Variants in DESI2 observed in about 807,000 individuals in gnomAD.
DESI2 encodes the protein desumoylating isopeptidase 2.
A neutral mutation model predicts 24.1 loss-of-function variants in DESI2; 10 were observed. The observed-to-expected ratio is 0.41, with a 90% CI of 0.26 to 0.70. The LOEUF (loss-of-function observed/expected upper bound fraction) is 0.70, where lower values mean the gene tolerates loss of function less well. Among genes scored for constraint, DESI2 ranks in the 30% least tolerant of loss-of-function variants. The probability of loss-of-function intolerance (pLI) is 0.29; values close to 1 mark genes in which losing one functional copy is unlikely to be tolerated. For missense variants in DESI2, 122 were observed against 234.9 expected (o/e 0.52, Z 3.14); for synonymous variants, 71 against 87.7 (o/e 0.81, Z 1.06).
intron 4 of DESI2, 64 bp downstream of exon 4, chr1:244,692,084 T>C (rs2148810476): frequency 1.5e-6 from 2 of 1,337,898 alleles, no homozygotes; most frequent in Admixed American, 4.8e-5. Context: ...ATACTTGATA[T>C]CCCACTATAT....
intron 4 of DESI2, among the ~76,000 whole-genome samples, chr1:244,704,562 G>A (rs1677616332): frequency 6.6e-6 from 1 of 152,152 alleles, no homozygotes; most frequent in African/African-American, 2.4e-5. Context: ...TATCCCGCTA[G>A]TGTCTTCAGA....
At chr1:244,686,952 T>G (rs1014114154) in intron 2 of DESI2, among the ~76,000 whole-genome samples, 5 of 152,226 alleles carry the variant, frequency 3.3e-5, no homozygotes, top group African/African-American at 1.2e-4. Flanking sequence ...CCTTTTGTGA[T>G]TGTCATAAAA....
intron 1 of DESI2, among the ~76,000 whole-genome samples, chr1:244,681,462 C>T (rs1201274581): frequency 4.0e-5 from 6 of 150,324 alleles, no homozygotes; most frequent in East Asian, 3.9e-4. Context: ...GGACTAGTTT[C>T]GTGGAAGATG....
intron 1 of DESI2, among the ~76,000 whole-genome samples, chr1:244,680,617 T>TAC (rs1676576027): frequency 6.6e-5 from 10 of 152,232 alleles, no homozygotes; most frequent in Middle Eastern, 3.2e-3. Flanking sequence ...TTAATGATGC[T>TAC]CAGTTCAATC....
At chr1:244,655,859 A>G (rs1213442362) in intron 1 of DESI2, among the ~76,000 whole-genome samples, 2 of 152,222 alleles carry the variant, frequency 1.3e-5, no homozygotes, top group Non-Finnish European at 2.9e-5. Context: ...AAGTTTGATT[A>G]GAACTTCTTT....
intron 1 of DESI2, among the ~76,000 whole-genome samples, chr1:244,657,237 A>G (rs147938766): frequency 2.4e-4 from 36 of 152,322 alleles, no homozygotes; most frequent in Middle Eastern, 6.8e-3. Flanking sequence ...CAGGTCAGGC[A>G]GGTGTGATAG....
intron 1 of DESI2, among the ~76,000 whole-genome samples, chr1:244,667,702 G>A (rs1676094232): frequency 6.6e-6 from 1 of 152,164 alleles, no homozygotes; most frequent in Admixed American, 6.5e-5. Context: ...ACAGCCTCTT[G>A]CTGCCCCCTC....
At chr1:244,688,167 A>G (rs1049220783) in intron 2 of DESI2, among the ~76,000 whole-genome samples, 2 of 152,236 alleles carry the variant, frequency 1.3e-5, no homozygotes, top group Admixed American at 6.5e-5. Context: ...AGCTAGAATC[A>G]AATATTAATA....
Position 244,689,489 on chromosome 1 carries a change from G to T in DESI2, c.209+147G>T. ...ATTGCTGACATTTTATATAACTCAA[G>T]TTTGCCTCAGGAAACTCATTTCTTT... On this transcript the variant is annotated intron_variant, in intron 3 of 4. Coordinates refer to ENST00000302550, the MANE Select transcript of DESI2 (RefSeq NM_016076.5). This position sits in a 1 kb window ranked among gnomAD's most constrained non-coding sequence, Gnocchi z 4.0. 1.8e-6 allele frequency: 1 copy of T among 540,780 alleles called. No homozygotes were observed. Among genetic ancestry groups the T allele is most frequent in the Non-Finnish European group, 3.3e-6 (1 of 301,812 alleles). The allele number at this position is 540,780 out of a possible 1,614,324, so 33.5% of individuals were successfully genotyped here.
chr1:244,677,040 T>G (rs1285282781), intron 1 of DESI2, among the ~76,000 whole-genome samples: 2 of 151,850 alleles, frequency 1.3e-5, no homozygotes, highest in Non-Finnish European at 2.9e-5. Flanking sequence ...TTTCTTGTGA[T>G]GTCTTTGTTT....
At chr1:244,664,908 A>G (rs1280413108) in intron 1 of DESI2, among the ~76,000 whole-genome samples, 6 of 152,224 alleles carry the variant, frequency 3.9e-5, no homozygotes, top group Non-Finnish European at 8.8e-5. Flanking sequence ...GAAATAATCT[A>G]CATGTTTGTT....
In DESI2 at chr1:244,705,934, G is replaced by T; in HGVS notation, c.*145G>T. ...AGTTTTTCAGCTCAGGATTATATTT[G>T]TAATCAAAAAAAAAAAATCACTTGG... On this transcript the variant is annotated 3_prime_UTR_variant, in exon 5 of 5. Transcript: ENST00000302550. 5 of 628,658 alleles carry T rather than the reference G, an allele frequency of 8.0e-6. No homozygotes were observed. The highest frequency in any genetic ancestry group is 3.0e-5 in the Admixed American group (1 of 32,938). The allele number at this position is 628,658 out of a possible 1,614,324, so 38.9% of individuals were successfully genotyped here.
rs1469046510 is a variant in DESI2, at chr1:244,708,005, G to T, written c.*2216G>T. On this transcript the variant is annotated 3_prime_UTR_variant, in exon 5 of 5. Coordinates refer to ENST00000302550, the MANE Select transcript of DESI2 (RefSeq NM_016076.5). Reference sequence around the variant, plus strand: ...TCTAATTATACCTGAGGTTGAGCAAGAAATGTCTTCCTTTAGAAAATCTCA... The same window carrying T: ...TCTAATTATACCTGAGGTTGAGCAATAAATGTCTTCCTTTAGAAAATCTCA... 2.6e-5 allele frequency: 4 copies of T among 152,172 alleles called. No homozygotes were observed. Among genetic ancestry groups the T allele is most frequent in the Non-Finnish European group, 5.9e-5 (4 of 68,038 alleles). 9.4% of individuals were successfully genotyped at this position (152,172 alleles called of 1,614,324 possible). A position where few individuals can be genotyped will look rare whatever the true frequency, so the allele number is the denominator to read the frequency against.
At chr1:244,660,878 A>G (rs1675817151) in intron 1 of DESI2, among the ~76,000 whole-genome samples, 1 of 152,156 alleles carries the variant, frequency 6.6e-6, no homozygotes, top group Non-Finnish European at 1.5e-5. Flanking sequence ...TGTTTTAATT[A>G]TTATACTTTC....
intron 1 of DESI2, among the ~76,000 whole-genome samples, chr1:244,667,886 C>G (rs1475652107): frequency 6.6e-6 from 1 of 152,216 alleles, no homozygotes; most frequent in Non-Finnish European, 1.5e-5. Flanking sequence ...ATTGCTGGTG[C>G]TGAAGCGTAG....
intron 1 of DESI2, among the ~76,000 whole-genome samples, chr1:244,674,245 C>T (rs144625441): frequency 2.1e-4 from 32 of 152,044 alleles, no homozygotes; most frequent in African/African-American, 7.2e-4. Flanking sequence ...GTGATCCACC[C>T]GCCTCTGCTC....
chr1:244,665,308 CA>C lies in DESI2; in HGVS notation c.42+11955del, dbSNP rs554205382. Among the ~76,000 whole-genome samples the C allele has an allele frequency of 7.0e-4, 107 of 152,236 alleles. 1 individual carries two copies. The highest frequency in any genetic ancestry group is 1.4e-3 in the Non-Finnish European group (97 of 68,002). ...CATAGTGGTAGAGCACAGTCTTGAACAAGAGCTCTTAACACTAAAATCTGCG... is the reference window on the plus strand; with the variant it reads ...CATAGTGGTAGAGCACAGTCTTGAACAGAGCTCTTAACACTAAAATCTGCG... On this transcript the variant is annotated intron_variant, in intron 1 of 4. Transcript: ENST00000302550.
chr1:244,705,479 C>T, intron 4 of DESI2, 77 bp from the exon 5 acceptor site: 1 of 1,301,170 alleles, frequency 7.7e-7, no homozygotes, highest in Non-Finnish European at 1.1e-6. Flanking sequence ...CCCCCTCCTC[C>T]CACCCTCCAC....
At chr1:244,694,709 T>G (rs144697539) in intron 4 of DESI2, 1 of 712,312 alleles carries the variant, frequency 1.4e-6, no homozygotes, top group Non-Finnish European at 2.6e-6. Context: ...ACGATGATGT[T>G]GCCTTCGTCA....
Sources: allele counts gnomAD v4.1 joint callset (sites outside exome capture counted in the v4.1 genomes callset), GRCh38; gene constraint gnomAD v4.1.1; non-coding constraint Gnocchi (gnomAD v3.1); transcripts MANE v1.5; gene names NCBI Gene and HGNC (gene_info 2026-07-23, HGNC 2026-07-21).